KIF21A: variants seen among roughly 807,000 people sequenced by gnomAD.
KIF21A encodes the protein kinesin-like protein KIF21A.
KIF21A carries 114 observed loss-of-function variants against 202.9 expected under a neutral mutation model. That is an observed-to-expected ratio of 0.56 (90% CI 0.48 to 0.66). The LOEUF (loss-of-function observed/expected upper bound fraction) is 0.66. Among genes scored for constraint, KIF21A ranks in the 30% least tolerant of loss-of-function variants. KIF21A has a pLI of 0.00. For synonymous variants in KIF21A, 667 were observed against 670.8 expected, an observed-to-expected ratio of 0.99 and a Z score of 0.09; for missense variants, 1,677 against 1,994.9, an observed-to-expected ratio of 0.84 and a Z score of 3.04.
At chr12:39,308,232 A>T (rs980083715) in intron 33 of KIF21A, among the ~76,000 whole-genome samples, 3 of 151,802 alleles carry the variant, frequency 2.0e-5, no homozygotes, top group African/African-American at 7.3e-5. Context: ...TACTAAAAAT[A>T]CAAAAATTAG....
intron 7 of KIF21A, among the ~76,000 whole-genome samples, chr12:39,361,691 G>A (rs1211314321): frequency 2.6e-5 from 4 of 151,574 alleles, no homozygotes; most frequent in South Asian, 4.2e-4. Context: ...TATTTTTAGT[G>A]GAGACAGGGT....
chr12:39,369,859 A>T lies in KIF21A; in HGVS notation c.320T>A (p.Val107Asp). The T allele has an allele frequency of 6.2e-7, 1 of 1,613,572 alleles. No individual in the cohort carries two copies. Among genetic ancestry groups the T allele is most frequent in the Non-Finnish European group, 8.5e-7 (1 of 1,179,658 alleles). ...AGAAATAATACCCAGTTCTTCCTCA[A>T]CAATGTTAACATCAAATCCTGTTCC... ...TMGTGFDVNI[V>D]EEELGIISRA... is the part of the protein sequence containing the mutation. The change falls in exon 3 of 38, where the codon GTT becomes GAT. Residue 107 changes from valine to aspartate, a missense_variant. Around this residue, in one of 3 missense-constraint regions of KIF21A, gnomAD observed 966 missense variants for 1,180.9 expected, o/e 0.82. Coordinates refer to ENST00000361418, the MANE Select transcript of KIF21A (RefSeq NM_001173464.2).
intron 1 of KIF21A, among the ~76,000 whole-genome samples, chr12:39,411,677 C>T (rs1953093292): frequency 6.6e-6 from 1 of 152,008 alleles, no homozygotes; most frequent in Non-Finnish European, 1.5e-5. Flanking sequence ...CAGGCATGCA[C>T]CACCACACCC....
intron 24 of KIF21A, among the ~76,000 whole-genome samples, chr12:39,328,764 C>T (rs1479670616): frequency 5.3e-5 from 8 of 152,156 alleles, no homozygotes; most frequent in Non-Finnish European, 1.2e-4. Context: ...CTTTTGCTGC[C>T]CCTCTGCCTG....
In KIF21A at chr12:39,322,706, G is replaced by C; in HGVS notation, c.3633C>G (p.Leu1211=). ...TSGTSAREKE[L]SPPPGLPSKI... is the part of the protein sequence containing the mutation. ...TAGAAGGTAAGCCAGGTGGGGGAGA[G>C]AGCTCTTTTTCCCTAGCAGAAGTAC... The change falls in exon 27 of 38, where the codon CTC becomes CTG. Residue 1211 remains leucine (L), a synonymous_variant. Transcript: ENST00000361418. 6.2e-7 allele frequency: 1 copy of C among 1,614,040 alleles called. No individual in the cohort carries two copies. The highest frequency in any genetic ancestry group is 1.1e-5 in the South Asian group (1 of 91,072).
chr12:39,385,827 C>T (rs992227552), intron 1 of KIF21A, among the ~76,000 whole-genome samples: 1 of 152,064 alleles, frequency 6.6e-6, no homozygotes, highest in Non-Finnish European at 1.5e-5. Context: ...AAATGTAATG[C>T]ACATAAGCAT....
intron 1 of KIF21A, among the ~76,000 whole-genome samples, chr12:39,425,804 G>A (rs1954696011): frequency 1.3e-5 from 2 of 151,958 alleles, no homozygotes; most frequent in Admixed American, 1.3e-4. Context: ...ACTAGGAAAG[G>A]AGTCAGGTTC....
chr12:39,401,325 G>T (rs1952159346), intron 1 of KIF21A, among the ~76,000 whole-genome samples: 1 of 152,136 alleles, frequency 6.6e-6, no homozygotes, highest in Non-Finnish European at 1.5e-5. Context: ...ACAGGAAAAA[G>T]AACTTGTTTC....
chr12:39,309,599 T>C lies in KIF21A; in HGVS notation c.4264A>G (p.Ile1422Val), dbSNP rs886049341. The part of the protein sequence containing the change: ...VWDIRDSAKC[I>V]RTLTSSGQVT... The stretch of plus-strand genomic sequence containing the variant: ...CAAGTTACTTACGTTAGTGTTCGAA[T>C]GCACTTTGCTGAATCTCTGATATCC... The change falls in exon 33 of 38, where the codon ATT (isoleucine) becomes GTT (valine). Residue 1422 changes from isoleucine (I) to valine (V), a missense_variant. Ile to Val is a conservative substitution (Grantham distance 29). Transcript: ENST00000361418. 1 of 1,611,360 alleles carries C rather than the reference T, an allele frequency of 6.2e-7. No homozygotes were observed. Among genetic ancestry groups the C allele is most frequent in the Non-Finnish European group, 8.5e-7 (1 of 1,178,996 alleles).
chr12:39,311,560 T>C lies in KIF21A; in HGVS notation c.3960-7A>G, dbSNP rs772438091. The C allele has an allele frequency of 1.2e-6, 2 of 1,612,370 alleles. No homozygotes were observed. The highest frequency in any genetic ancestry group is 1.7e-6 in the Non-Finnish European group (2 of 1,178,892). On this transcript the variant is annotated splice_polypyrimidine_tract_variant and splice_region_variant and intron_variant, in intron 31 of 37. Transcript: ENST00000361418. ...AAATGGGTTGATTATGCCCCTAAGG[T>C]GGGGAAAAAACAAACAAACCAAGAC...
chr12:39,316,835 CA>C, intron 29 of KIF21A, among the ~76,000 whole-genome samples: 1 of 152,184 alleles, frequency 6.6e-6, no homozygotes, highest in African/African-American at 2.4e-5. Context: ...ATAGAGATGA[CA>C]ACAGAGTCAA....
intron 1 of KIF21A, among the ~76,000 whole-genome samples, chr12:39,388,172 T>C (rs576083947): frequency 5.3e-4 from 80 of 152,250 alleles, no homozygotes; most frequent in Non-Finnish European, 1.0e-3. Flanking sequence ...AATAGATTAA[T>C]ACCCTCCATG....
chr12:39,410,457 A>T (rs576337720), intron 1 of KIF21A, among the ~76,000 whole-genome samples: 10 of 152,294 alleles, frequency 6.6e-5, no homozygotes, highest in African/African-American at 1.9e-4. Flanking sequence ...AAAAGAAGAA[A>T]CTGGTAAGTC....
intron 1 of KIF21A, among the ~76,000 whole-genome samples, chr12:39,441,074 A>T (rs1215232266): frequency 6.6e-6 from 1 of 152,184 alleles, no homozygotes; most frequent in Middle Eastern, 3.4e-3. Flanking sequence ...GGAAGGAAGG[A>T]AGGAATCCTG....
chr12:39,433,832 G>A (rs1790419320), intron 1 of KIF21A, among the ~76,000 whole-genome samples: 1 of 152,166 alleles, frequency 6.6e-6, no homozygotes, highest in South Asian at 2.1e-4. Context: ...GGGGAGACTA[G>A]ATAGAATAAG....
chr12:39,441,277 C>A (rs961456722), intron 1 of KIF21A, among the ~76,000 whole-genome samples: 7 of 152,060 alleles, frequency 4.6e-5, no homozygotes, highest in African/African-American at 1.7e-4. Context: ...AAAGAAGCAT[C>A]GGATTTAACA....
At chr12:39,325,729 C>T in intron 26 of KIF21A, 110 bp downstream of exon 26, 1 of 777,088 alleles carries the variant, frequency 1.3e-6, no homozygotes, top group Non-Finnish European at 2.3e-6. Flanking sequence ...TTTAGTAAAA[C>T]CATGCCCTCT....
chr12:39,437,221 T>C (rs977552384), intron 1 of KIF21A, among the ~76,000 whole-genome samples: 7 of 152,214 alleles, frequency 4.6e-5, no homozygotes, highest in Non-Finnish European at 8.8e-5. Context: ...TAGTGCATCA[T>C]TCACTACCCC....
At chr12:39,408,211 G>A (rs898057028) in intron 1 of KIF21A, among the ~76,000 whole-genome samples, 1 of 152,124 alleles carries the variant, frequency 6.6e-6, no homozygotes, top group Non-Finnish European at 1.5e-5. Flanking sequence ...GGAGGGGGAT[G>A]ATGGTTTTGG....
Sources: gnomAD v4.1 joint callset for allele counts (sites outside exome capture counted in the v4.1 genomes callset) on GRCh38, gnomAD v4.1.1 for gene constraint, gnomAD v4.1.1 regional missense constraint, MANE v1.5 for transcripts, NCBI Gene and HGNC (gene_info 2026-07-23, HGNC 2026-07-21) for gene names.